MED12L: variants seen among roughly 807,000 people sequenced by gnomAD.
MED12L encodes mediator of RNA polymerase II transcription subunit 12-like protein.
A neutral mutation model predicts 281.3 loss-of-function variants in MED12L; 60 were observed. That is an observed-to-expected ratio of 0.21 (90% CI 0.17 to 0.26). The LOEUF is 0.26. Ranked by LOEUF, MED12L falls within the 10% of genes least tolerant of loss-of-function variation. The pLI, the probability that MED12L is intolerant of heterozygous loss-of-function variation, is 1.00. For synonymous variants in MED12L, 974 were observed against 987.2 expected (o/e 0.99, Z 0.25); for missense variants, 2,146 against 2,680.9 (o/e 0.80, Z 4.41).
intron 16 of MED12L, among the ~76,000 whole-genome samples, chr3:151,296,077 T>G (rs2149698709): frequency 6.6e-6 from 1 of 152,308 alleles, no homozygotes; most frequent in Middle Eastern, 3.4e-3. Context: ...TTTCTCATTC[T>G]TATTAAGTTT....
At chr3:151,150,355 T>G (rs1472401497) in intron 5 of MED12L, among the ~76,000 whole-genome samples, 1 of 152,164 alleles carries the variant, frequency 6.6e-6, no homozygotes, top group Non-Finnish European at 1.5e-5. Flanking sequence ...TTGAAAGGTA[T>G]CTCTCTTTTT....
In MED12L at chr3:151,150,034, C is replaced by T. The variant is rs144968588; in HGVS notation, c.557-6127C>T. ...GTTGGAATCAACTTCTTACAAACTC[C>T]TATGGAAGTCAATATTTGACCCCCT... On this transcript the variant is annotated intron_variant, in intron 5 of 44. Coordinates refer to ENST00000687756, the MANE Select transcript of MED12L (RefSeq NM_001393769.1). Among the ~76,000 whole-genome samples the T allele has an allele frequency of 1.6e-4, 24 of 152,284 alleles. 1 individual carries two copies. In the East Asian group the frequency reaches 4.4e-3, roughly 28 times the overall value.
At chr3:151,187,346 T>C (rs1220839824) in intron 12 of MED12L, among the ~76,000 whole-genome samples, 1 of 152,174 alleles carries the variant, frequency 6.6e-6, no homozygotes, top group Non-Finnish European at 1.5e-5. Context: ...CATACAAACA[T>C]ACACATTCCA....
chr3:151,430,799 G>C (rs1719414022), intron 44 of MED12L, among the ~76,000 whole-genome samples: 1 of 63,904 alleles, frequency 1.6e-5, no homozygotes, highest in African/African-American at 6.0e-5. Flanking sequence ...TAAACTGTCA[G>C]ACTGTGAATG....
chr3:151,337,480 G>A (rs184067844), intron 16 of MED12L: 73 of 223,582 alleles, frequency 3.3e-4, no homozygotes, highest in African/African-American at 1.5e-3. Flanking sequence ...AATTGTGAAC[G>A]ATAATGTATT....
rs781097792 is a variant in MED12L, at chr3:151,387,868, A to G, written c.5147A>G (p.Lys1716Arg). The G allele has an allele frequency of 1.2e-6, 2 of 1,614,116 alleles. No individual in the cohort carries two copies. Among genetic ancestry groups the G allele is most frequent in the Admixed American group, 3.3e-5 (2 of 60,016 alleles). Residue 1716 changes from lysine to arginine, a missense_variant, in exon 37 of 45, where the codon AAG becomes AGG. Transcript: ENST00000687756. ...VSPWDLFEGQ[K>R]NPAPLSWAWF... ...CCGTGGGACTTGTTTGAGGGTCAGA[A>G]GAACCCAGCTCCTTTGTCCTGGGCC...
At chr3:151,308,401 T>C (rs1490775462) in intron 16 of MED12L, among the ~76,000 whole-genome samples, 1 of 152,094 alleles carries the variant, frequency 6.6e-6, no homozygotes, top group Non-Finnish European at 1.5e-5. Context: ...ATAAATTCCA[T>C]ATAGGTAACT....
intron 16 of MED12L, chr3:151,338,892 G>T (rs756269070): frequency 6.3e-7 from 1 of 1,583,526 alleles, no homozygotes; most frequent in Non-Finnish European, 8.7e-7. Flanking sequence ...GTTATTTTCA[G>T]CCTAAGGTAG....
chr3:151,380,028 T>C (rs1711970128), intron 31 of MED12L, 85 bp from the exon 32 acceptor site: 2 of 821,842 alleles, frequency 2.4e-6, no homozygotes, highest in Non-Finnish European at 3.8e-6. Context: ...ATTTATCTAA[T>C]AGTGAGGCAA....
intron 6 of MED12L, among the ~76,000 whole-genome samples, chr3:151,156,759 AG>A (rs1228306205): frequency 6.6e-6 from 1 of 152,114 alleles, no homozygotes; most frequent in African/African-American, 2.4e-5. Context: ...AGCTGAGGGG[AG>A]GGGTAAGGGC....
At chr3:151,338,387 G>C in intron 16 of MED12L, 1 of 1,614,138 alleles carries the variant, frequency 6.2e-7, no homozygotes, top group Non-Finnish European at 8.5e-7. Context: ...AAGAGAGTAA[G>C]AACATGAATG....
At chr3:151,181,712 A>G (rs756754648) in intron 11 of MED12L, among the ~76,000 whole-genome samples, 17 of 149,924 alleles carry the variant, frequency 1.1e-4, no homozygotes, top group Non-Finnish European at 2.5e-4. Context: ...CAGCTTCCTG[A>G]GTAGCTGGGA....
At chr3:151,345,137 G>T (rs1752367916) in intron 16 of MED12L, among the ~76,000 whole-genome samples, 1 of 152,170 alleles carries the variant, frequency 6.6e-6, no homozygotes, top group Admixed American at 6.5e-5. Flanking sequence ...TCTGGAGAAA[G>T]AAAGTAATTG....
intron 16 of MED12L, among the ~76,000 whole-genome samples, chr3:151,230,375 G>T (rs1321942618): frequency 6.6e-6 from 1 of 152,216 alleles, no homozygotes; most frequent in Non-Finnish European, 1.5e-5. Context: ...TACAGTGTAA[G>T]AAAATAGTCT....
At chr3:151,207,235 C>A (rs959126154) in intron 16 of MED12L, among the ~76,000 whole-genome samples, 1 of 152,082 alleles carries the variant, frequency 6.6e-6, no homozygotes, top group East Asian at 1.9e-4. Flanking sequence ...GTGAATATTT[C>A]TTGATCAAGT....
Position 151,409,333 on chromosome 3 carries a change from G to A in MED12L, c.5910+1G>A. 3.1e-6 allele frequency: 5 copies of A among 1,613,938 alleles called. No individual in the cohort carries two copies. The highest frequency in any genetic ancestry group is 4.2e-6 in the Non-Finnish European group (5 of 1,179,946). ...GTATCCAGGGCTGCAGCAAGCACAG[G>A]TACCCACATTTGCTTTGTAGGTACT... On this transcript the variant is annotated splice_donor_variant, in intron 40 of 44. Coordinates refer to ENST00000687756, the MANE Select transcript of MED12L (RefSeq NM_001393769.1). LOFTEE classifies it high-confidence loss of function.
intron 16 of MED12L, chr3:151,338,408 A>G: frequency 6.2e-7 from 1 of 1,614,156 alleles, no homozygotes; most frequent in Non-Finnish European, 8.5e-7. Flanking sequence ...CCCAGATGAC[A>G]ACAGAGAGAA....
intron 16 of MED12L, among the ~76,000 whole-genome samples, chr3:151,308,749 CATT>C (rs1243841080): frequency 6.6e-6 from 1 of 152,088 alleles, no homozygotes; most frequent in Non-Finnish European, 1.5e-5. Flanking sequence ...ATACAGTCAT[CATT>C]ATAGTTTTCT....
At chr3:151,320,359 G>A (rs578233102) in intron 16 of MED12L, among the ~76,000 whole-genome samples, 13 of 152,254 alleles carry the variant, frequency 8.5e-5, no homozygotes, top group African/African-American at 2.2e-4. Context: ...TTGAATGCCC[G>A]TGTTGGTCTT....
Sources: gnomAD v4.1 joint callset for allele counts (sites outside exome capture counted in the v4.1 genomes callset) on GRCh38, gnomAD v4.1.1 for gene constraint, MANE v1.5 for transcripts, NCBI Gene and HGNC (gene_info 2026-07-23, HGNC 2026-07-21) for gene names.